Variants in SRGAP1 observed in about 807,000 individuals in gnomAD.
SRGAP1 encodes SLIT-ROBO Rho GTPase-activating protein 1.
A neutral mutation model predicts 121.9 loss-of-function variants in SRGAP1; 43 were observed. That is an observed-to-expected ratio of 0.35 (90% CI 0.28 to 0.46). The LOEUF is 0.46. Among genes scored for constraint, SRGAP1 ranks in the 20% least tolerant of loss-of-function variants. The probability of loss-of-function intolerance (pLI) is 1.00; values close to 1 mark genes in which losing one functional copy is unlikely to be tolerated. For missense variants in SRGAP1, 1,102 were observed against 1,350.9 expected (o/e 0.82, Z 2.89); for synonymous variants, 447 against 485.4 (o/e 0.92, Z 1.04).
chr12:64,079,136 A>C lies in SRGAP1; in HGVS notation c.1323+20A>C. The stretch of plus-strand genomic sequence containing the variant: ...TTCATGGTGTGCCCGCCACTTCCCA[A>C]GCCACTCTACAGAGCTCAGATCTAG... On this transcript the variant is annotated intron_variant, in intron 9 of 21. Coordinates refer to ENST00000355086, the MANE Select transcript of SRGAP1 (RefSeq NM_020762.4). 6.2e-7 allele frequency: 1 copy of C among 1,613,392 alleles called. No homozygotes were observed. Among genetic ancestry groups the C allele is most frequent in the Non-Finnish European group, 8.5e-7 (1 of 1,179,752 alleles).
intron 3 of SRGAP1, among the ~76,000 whole-genome samples, chr12:64,001,196 A>G (rs1438791323): frequency 2.0e-5 from 3 of 152,226 alleles, no homozygotes; most frequent in African/African-American, 7.2e-5. Flanking sequence ...TCAGAAAACA[A>G]TGGAGCAAAA....
At chr12:63,930,839 C>T (rs1364717819) in intron 1 of SRGAP1, among the ~76,000 whole-genome samples, 1 of 152,126 alleles carries the variant, frequency 6.6e-6, no homozygotes, top group Non-Finnish European at 1.5e-5. Flanking sequence ...TATTGCAAAG[C>T]TATTTTTACA....
In SRGAP1 at chr12:63,942,649, C is replaced by T. The variant is rs139269813; in HGVS notation, c.68-41298C>T. ...AAACATAATGAACCATTATTACCAT[C>T]ACAGACACTTGCCACTTAGTGAGTC... On this transcript the variant is annotated intron_variant, in intron 1 of 21. Coordinates refer to ENST00000355086, the MANE Select transcript of SRGAP1 (RefSeq NM_020762.4). Among the ~76,000 whole-genome samples, 226 of 152,314 alleles carry T rather than the reference C, an allele frequency of 1.5e-3. 4 individuals are homozygous for T. In the South Asian group the frequency reaches 0.018, roughly 12 times the overall value.
intron 4 of SRGAP1, among the ~76,000 whole-genome samples, chr12:64,027,552 A>G (rs2034680409): frequency 1.3e-5 from 2 of 152,128 alleles, no homozygotes; most frequent in African/African-American, 4.8e-5. Context: ...AGTTGGGAAA[A>G]AGCACAAAGT....
At chr12:63,913,556 A>G (rs1273245781) in intron 1 of SRGAP1, among the ~76,000 whole-genome samples, 2 of 149,392 alleles carry the variant, frequency 1.3e-5, no homozygotes, top group Non-Finnish European at 3.0e-5. Context: ...ACACATATGT[A>G]TATAAAGACA....
chr12:63,873,743 GC>G (rs1439252544), intron 1 of SRGAP1, among the ~76,000 whole-genome samples: 2 of 151,514 alleles, frequency 1.3e-5, no homozygotes, highest in Non-Finnish European at 2.9e-5. Flanking sequence ...ATCTCAGTTC[GC>G]TGCAACCTCA....
At chr12:63,853,134 C>T (rs1447187110) in intron 1 of SRGAP1, among the ~76,000 whole-genome samples, 1 of 151,772 alleles carries the variant, frequency 6.6e-6, no homozygotes, top group African/African-American at 2.4e-5. Context: ...ATTCTCCTGC[C>T]TCAGACTCAT....
intron 1 of SRGAP1, among the ~76,000 whole-genome samples, chr12:63,956,018 T>C (rs2032452792): frequency 1.3e-5 from 2 of 152,180 alleles, no homozygotes; most frequent in South Asian, 4.1e-4. Flanking sequence ...AACACACTTT[T>C]GATAAGTCAC....
At chr12:63,988,849 C>T (rs1166323782) in intron 2 of SRGAP1, among the ~76,000 whole-genome samples, 1 of 152,178 alleles carries the variant, frequency 6.6e-6, no homozygotes, top group Non-Finnish European at 1.5e-5. Flanking sequence ...CTCGCCCTGT[C>T]GCCCAGGCTG....
intron 3 of SRGAP1, among the ~76,000 whole-genome samples, chr12:64,002,696 A>G (rs570988731): frequency 1.3e-5 from 2 of 152,306 alleles, no homozygotes; most frequent in African/African-American, 4.8e-5. Context: ...TTTGTGGTGC[A>G]TCTGCAGGAC....
intron 1 of SRGAP1, among the ~76,000 whole-genome samples, chr12:63,931,912 A>C (rs1592956667): frequency 6.6e-6 from 1 of 152,288 alleles, no homozygotes; most frequent in Non-Finnish European, 1.5e-5. Flanking sequence ...TGGAATTTTG[A>C]GTGCACATAG....
intron 21 of SRGAP1, among the ~76,000 whole-genome samples, chr12:64,134,868 G>A (rs2036835817): frequency 6.6e-6 from 1 of 152,102 alleles, no homozygotes; most frequent in South Asian, 2.1e-4. Flanking sequence ...TTTCTAGTGT[G>A]GCACACCTCT....
intron 1 of SRGAP1, among the ~76,000 whole-genome samples, chr12:63,938,141 G>A (rs528237868): frequency 5.8e-4 from 88 of 152,346 alleles, no homozygotes; most frequent in African/African-American, 2.0e-3. Context: ...AGGGCCCAGG[G>A]CAAGGGAGAT....
intron 1 of SRGAP1, among the ~76,000 whole-genome samples, chr12:63,932,090 A>T (rs2031496115): frequency 6.6e-6 from 1 of 152,200 alleles, no homozygotes; most frequent in South Asian, 2.1e-4. Context: ...AGCCTGGCCA[A>T]CACAGTGAAA....
intron 1 of SRGAP1, among the ~76,000 whole-genome samples, chr12:63,974,384 A>C (rs2136395849): frequency 6.6e-6 from 1 of 152,326 alleles, no homozygotes; most frequent in African/African-American, 2.4e-5. Context: ...ACATCATTAC[A>C]AATGAAGGTA....
chr12:63,964,777 T>G (rs2032740618), intron 1 of SRGAP1, among the ~76,000 whole-genome samples: 1 of 152,218 alleles, frequency 6.6e-6, no homozygotes, highest in Non-Finnish European at 1.5e-5. Context: ...AAAATGATGG[T>G]GTCTTCATCC....
chr12:64,080,109 G>A (rs1206391711), intron 9 of SRGAP1, among the ~76,000 whole-genome samples, 177 bp from the exon 10 acceptor site: 2 of 151,984 alleles, frequency 1.3e-5, no homozygotes, highest in African/African-American at 4.8e-5. Context: ...CAGGTGTGGT[G>A]GCGGGCGCTT....
Position 64,142,784 on chromosome 12 carries a change from T to G in SRGAP1, c.*112T>G, listed in dbSNP as rs1339645177. The G allele has an allele frequency of 5.6e-6, 8 of 1,424,978 alleles. No homozygotes were observed. The highest frequency in any genetic ancestry group is 1.4e-5 in the African/African-American group (1 of 69,510). The allele number at this position is 1,424,978 out of a possible 1,614,324, so 88.3% of individuals were successfully genotyped here. A position where few individuals can be genotyped will look rare whatever the true frequency, so the allele number is the denominator to read the frequency against. ...AGTTTTGTGCTTATAACTGGAGATCTTTTGGCTTTTCTATGTTGTCGAATG... is the reference window on the plus strand; with the variant it reads ...AGTTTTGTGCTTATAACTGGAGATCGTTTGGCTTTTCTATGTTGTCGAATG... On this transcript the variant is annotated 3_prime_UTR_variant, in exon 22 of 22. Coordinates refer to ENST00000355086, the MANE Select transcript of SRGAP1 (RefSeq NM_020762.4).
At chr12:64,129,609 C>A (rs1034778437) in intron 21 of SRGAP1, among the ~76,000 whole-genome samples, 1 of 152,136 alleles carries the variant, frequency 6.6e-6, no homozygotes. Flanking sequence ...CTCCTGAGAT[C>A]GTACATAATC....
Sources: gnomAD v4.1 joint callset for allele counts (sites outside exome capture counted in the v4.1 genomes callset) on GRCh38, gnomAD v4.1.1 for gene constraint, MANE v1.5 for transcripts, NCBI Gene and HGNC (gene_info 2026-07-23, HGNC 2026-07-21) for gene names.